The following KCNK9 variants were observed in gnomAD, a reference collection of about 807,000 sequenced individuals.
KCNK9 encodes the protein potassium two pore domain channel subfamily K member 9.
KCNK9 carries 1 observed loss-of-function variant against 10.8 expected under a neutral mutation model. The ratio of observed to expected loss-of-function variants is 0.09; its 90% confidence interval spans 0.03 to 0.44. KCNK9 has a LOEUF of 0.44. Among genes scored for constraint, KCNK9 ranks in the 20% least tolerant of loss-of-function variants. KCNK9 has a pLI of 0.97. For missense variants in KCNK9, 303 were observed against 515.0 expected (o/e 0.59, Z 3.98); for synonymous variants, 231 against 222.7 (o/e 1.04, Z -0.33).
At chr8:139,680,168 A>T (rs1241454754) in intron 1 of KCNK9, among the ~76,000 whole-genome samples, 1 of 152,172 alleles carries the variant, frequency 6.6e-6, no homozygotes, top group Non-Finnish European at 1.5e-5. Context: ...CTCTGCCCAG[A>T]GCCAGCCAAG....
chr8:139,647,689 C>A (rs911572957), intron 1 of KCNK9, among the ~76,000 whole-genome samples: 1 of 152,162 alleles, frequency 6.6e-6, no homozygotes, highest in East Asian at 1.9e-4. Flanking sequence ...GGGACCCAGC[C>A]ACAGGGTCTC....
intron 1 of KCNK9, among the ~76,000 whole-genome samples, chr8:139,684,341 C>T (rs1474694533): frequency 6.6e-6 from 1 of 152,196 alleles, no homozygotes; most frequent in African/African-American, 2.4e-5. Context: ...TGTCTTTTCT[C>T]CTTGGAAGCC....
chr8:139,697,279 T>C (rs963878303), intron 1 of KCNK9, among the ~76,000 whole-genome samples: 1 of 143,432 alleles, frequency 7.0e-6, no homozygotes, highest in Non-Finnish European at 1.5e-5. Flanking sequence ...GATAGGTAGA[T>C]GAGTGGTGGA....
chr8:139,620,134 T>C (rs1814732243), intron 1 of KCNK9, among the ~76,000 whole-genome samples: 1 of 152,238 alleles, frequency 6.6e-6, no homozygotes, highest in Non-Finnish European at 1.5e-5. Context: ...AGAGCCAGGA[T>C]GGGATCTTCC....
intron 1 of KCNK9, among the ~76,000 whole-genome samples, chr8:139,624,512 T>TCTGCCCACCCAC (rs1814902874): frequency 6.6e-6 from 1 of 152,118 alleles, no homozygotes; most frequent in African/African-American, 2.4e-5. Flanking sequence ...AGGGTCCTGC[T>TCTGCCCACCCAC]CTGCCCACCC....
chr8:139,689,820 T>A (rs1369441576), intron 1 of KCNK9, among the ~76,000 whole-genome samples: 1 of 152,112 alleles, frequency 6.6e-6, no homozygotes, highest in Non-Finnish European at 1.5e-5. Flanking sequence ...TTTTTTGTAT[T>A]TTTAATAGAG....
intron 1 of KCNK9, among the ~76,000 whole-genome samples, chr8:139,641,635 C>G (rs374719648): frequency 3.3e-5 from 5 of 151,886 alleles, no homozygotes; most frequent in African/African-American, 9.7e-5. Flanking sequence ...GGCCTGCCCC[C>G]CCCCCGCACT....
At chr8:139,696,635 G>T (rs1229934199) in intron 1 of KCNK9, among the ~76,000 whole-genome samples, 1 of 152,184 alleles carries the variant, frequency 6.6e-6, no homozygotes, top group African/African-American at 2.4e-5. Flanking sequence ...ACACAGAGGA[G>T]GGAGGGAAGG....
At chr8:139,673,367 C>A (rs1405141490) in intron 1 of KCNK9, among the ~76,000 whole-genome samples, 1 of 152,224 alleles carries the variant, frequency 6.6e-6, no homozygotes, top group Non-Finnish European at 1.5e-5. Flanking sequence ...TGAACGAAAT[C>A]TCAATAAAGC....
intron 1 of KCNK9, among the ~76,000 whole-genome samples, chr8:139,656,934 C>T (rs1477051732): frequency 6.6e-6 from 1 of 152,214 alleles, no homozygotes; most frequent in Admixed American, 6.5e-5. Flanking sequence ...CCCTTGCAGG[C>T]TCAGCCCTCC....
chr8:139,655,463 G>C (rs571244829), intron 1 of KCNK9, among the ~76,000 whole-genome samples: 1 of 152,156 alleles, frequency 6.6e-6, no homozygotes, highest in Non-Finnish European at 1.5e-5. Flanking sequence ...AGGTGGGGCT[G>C]GGGGAGGAAG....
downstream of KCNK9, among the ~76,000 whole-genome samples, chr8:139,608,075 C>G (rs1329105675): frequency 6.6e-6 from 1 of 152,210 alleles, no homozygotes; most frequent in African/African-American, 2.4e-5. Context: ...CTGAAGCTTA[C>G]AAGACCTCCC....
intron 1 of KCNK9, among the ~76,000 whole-genome samples, chr8:139,700,795 A>G (rs1817200971): frequency 6.6e-6 from 1 of 152,176 alleles, no homozygotes; most frequent in African/African-American, 2.4e-5. Context: ...TCAACCATGG[A>G]AACACACCTC....
chr8:139,627,245 A>C (rs1356045391), intron 1 of KCNK9, among the ~76,000 whole-genome samples: 2 of 152,174 alleles, frequency 1.3e-5, no homozygotes, highest in Admixed American at 6.5e-5. Flanking sequence ...TCTCATGGAT[A>C]AGGGGTATCA....
intron 1 of KCNK9, among the ~76,000 whole-genome samples, chr8:139,665,235 G>T (rs941629426): frequency 2.6e-5 from 4 of 152,182 alleles, no homozygotes; most frequent in Admixed American, 6.5e-5. Context: ...GTCACTCCCT[G>T]CTTTTTCCAG....
chr8:139,692,564 G>T (rs546563242), intron 1 of KCNK9, among the ~76,000 whole-genome samples: 96 of 152,258 alleles, frequency 6.3e-4, no homozygotes, highest in African/African-American at 2.3e-3. Flanking sequence ...ACAGACACCA[G>T]ACCAATTTCC....
downstream of KCNK9, chr8:139,616,120 G>A (rs1403198215): frequency 1.3e-5 from 2 of 152,172 alleles, no homozygotes; most frequent in African/African-American, 4.8e-5. Flanking sequence ...TGTCGTCATA[G>A]ATCAGATCAC....
intron 1 of KCNK9, among the ~76,000 whole-genome samples, chr8:139,620,964 A>T (rs1188995805): frequency 6.6e-6 from 1 of 152,204 alleles, no homozygotes; most frequent in Admixed American, 6.5e-5. Flanking sequence ...AGAATCAGAC[A>T]AAAAGAAGAA....
chr8:139,680,825 G>GC (rs1270480725), intron 1 of KCNK9, among the ~76,000 whole-genome samples: 4 of 152,142 alleles, frequency 2.6e-5, no homozygotes, highest in Non-Finnish European at 4.4e-5. Flanking sequence ...GCAGAGCCAT[G>GC]CCCCCTCTCT....
Sources: gnomAD v4.1 joint callset for allele counts (sites outside exome capture counted in the v4.1 genomes callset) on GRCh38, gnomAD v4.1.1 for gene constraint, MANE v1.5 for transcripts, NCBI Gene and HGNC (gene_info 2026-07-23, HGNC 2026-07-21) for gene names.